The following PBLD variants were observed in gnomAD, a reference collection of about 807,000 sequenced individuals.
The protein encoded by PBLD is phenazine biosynthesis like protein domain containing, also known as phenazine biosynthesis-like domain-containing protein.
In PBLD, 26 loss-of-function variants were observed where a neutral mutation model predicts 31.3. The observed-to-expected ratio is 0.83, with a 90% confidence interval of 0.61 to 1.15. PBLD has a LOEUF of 1.15. PBLD is among the 50% of genes most tolerant of loss of function. PBLD has a pLI of 0.00. For synonymous variants in PBLD, 114 were observed against 129.0 expected (o/e 0.88, Z 0.79); for missense variants, 307 against 351.7 (o/e 0.87, Z 1.02).
In PBLD at chr10:68,292,247, A is replaced by C. The variant is rs1316380009; in HGVS notation, c.284-9T>G. The C allele has an allele frequency of 3.7e-6, 6 of 1,602,464 alleles. No individual in the cohort carries two copies. The highest frequency in any genetic ancestry group is 5.1e-6 in the Non-Finnish European group (6 of 1,171,366). ...CGTGCTATTCATGTTTTCTGGCCAAAATAGGAATCAAGAAATAGGAAATAA... is the reference window on the plus strand; with the variant it reads ...CGTGCTATTCATGTTTTCTGGCCAACATAGGAATCAAGAAATAGGAAATAA... On this transcript the variant is annotated splice_polypyrimidine_tract_variant and intron_variant, in intron 4 of 9. Transcript: ENST00000358769.
intron 4 of PBLD, among the ~76,000 whole-genome samples, chr10:68,295,769 T>A (rs1196004938): frequency 6.6e-6 from 1 of 151,904 alleles, no homozygotes; most frequent in Non-Finnish European, 1.5e-5. Context: ...CTGGCCAACA[T>A]GGTAAAACCC....
intron 1 of PBLD, among the ~76,000 whole-genome samples, chr10:68,315,727 C>G (rs1015958175): frequency 2.0e-5 from 3 of 152,036 alleles, no homozygotes; most frequent in Non-Finnish European, 4.4e-5. Flanking sequence ...TGACTGAGAC[C>G]TAGGGGTTTT....
chr10:68,311,528 G>C (rs2134496126), intron 1 of PBLD, among the ~76,000 whole-genome samples: 1 of 152,196 alleles, frequency 6.6e-6, no homozygotes, highest in South Asian at 2.1e-4. Flanking sequence ...GGGGCTTGCA[G>C]TGAGCGGAGA....
At chr10:68,292,367 G>A (rs954005937) in intron 4 of PBLD, 129 bp from the exon 5 acceptor site, 11 of 731,188 alleles carry the variant, frequency 1.5e-5, no homozygotes, top group Non-Finnish European at 2.5e-5. Flanking sequence ...AGCGAGGTTT[G>A]GGTTGCTGAG....
At chr10:68,306,738 G>A (rs746175378) in intron 2 of PBLD, 23 bp downstream of exon 2, 4 of 1,595,416 alleles carry the variant, frequency 2.5e-6, no homozygotes, top group East Asian at 2.2e-5. Flanking sequence ...TTCAGGTACT[G>A]TAATTCAAAA....
intron 1 of PBLD, among the ~76,000 whole-genome samples, chr10:68,311,454 C>T (rs12220708): frequency 0.28 from 42,895 of 151,882 alleles, 6,999 homozygotes; most frequent in Middle Eastern, 0.41. Flanking sequence ...GGTGTGGTGG[C>T]GGGCGCCTGT....
intron 3 of PBLD, 125 bp downstream of exon 3, chr10:68,296,761 C>T (rs538408060): frequency 1.2e-5 from 10 of 808,728 alleles, no homozygotes; most frequent in Middle Eastern, 2.8e-4. Flanking sequence ...GCCAGCACTT[C>T]GGGAGGCTGA....
intron 1 of PBLD, among the ~76,000 whole-genome samples, chr10:68,316,512 T>TATC (rs2044738017): frequency 6.6e-6 from 1 of 152,142 alleles, no homozygotes; most frequent in African/African-American, 2.4e-5. Flanking sequence ...TCATCAAGTA[T>TATC]ACCACTATAT....
chr10:68,316,076 G>A (rs938186556), intron 1 of PBLD, among the ~76,000 whole-genome samples: 1 of 152,048 alleles, frequency 6.6e-6, no homozygotes, highest in Admixed American at 6.6e-5. Context: ...CAAAAAAGAG[G>A]TGTATATAGA....
At chr10:68,309,221 C>T (rs964326904) in intron 1 of PBLD, among the ~76,000 whole-genome samples, 2 of 148,914 alleles carry the variant, frequency 1.3e-5, no homozygotes, top group Non-Finnish European at 3.0e-5. Context: ...CCCTGGCCAA[C>T]GTGGTGAAAC....
At chr10:68,319,049 GAGAGAGAAAGAA>G (rs1043018327) in intron 1 of PBLD, among the ~76,000 whole-genome samples, 9 of 77,842 alleles carry the variant, frequency 1.2e-4, no homozygotes, top group Admixed American at 6.0e-4. Context: ...AAGAAAGAAA[GAGAGAGAAAGAA>G]AGAAAGAAAG....
At chr10:68,322,525 A>G (rs911839092) in intron 1 of PBLD, among the ~76,000 whole-genome samples, 9 of 151,082 alleles carry the variant, frequency 6.0e-5, no homozygotes, top group Non-Finnish European at 1.3e-4. Flanking sequence ...AAAAACAGGC[A>G]TGGTGGCACA....
intron 1 of PBLD, among the ~76,000 whole-genome samples, chr10:68,312,661 G>GT (rs1162691339): frequency 7.7e-6 from 1 of 130,050 alleles, no homozygotes; most frequent in African/African-American, 2.9e-5. Context: ...CCAGACTGGA[G>GT]TGCAGTGGTG....
chr10:68,309,012 G>A (rs1249976761), intron 1 of PBLD, among the ~76,000 whole-genome samples: 1 of 150,160 alleles, frequency 6.7e-6, no homozygotes, highest in African/African-American at 2.5e-5. Flanking sequence ...GATGTGCCTG[G>A]GGAGAGTGAT....
At chr10:68,297,187 G>T (rs2044441431) in intron 2 of PBLD, 4 of 575,618 alleles carry the variant, frequency 6.9e-6, no homozygotes, top group South Asian at 6.1e-5. Flanking sequence ...GTGAAGAAGG[G>T]TTATAAATGT....
chr10:68,284,422 G>A lies in PBLD; in HGVS notation c.755-133C>T, dbSNP rs553447529. On this transcript the variant is annotated intron_variant, in intron 9 of 9. Coordinates refer to ENST00000358769, the MANE Select transcript of PBLD (RefSeq NM_022129.4). ...AGAATAAATTCCTTCGTCTGTTTAT[G>A]GTACTGCCCACTCCCATCCCCATTC... 143 of 724,510 alleles carry A rather than the reference G, an allele frequency of 2.0e-4. 2 individuals carry two copies. In the South Asian group the frequency reaches 2.5e-3, roughly 13 times the overall value. 44.9% of individuals were successfully genotyped at this position (724,510 alleles called of 1,614,324 possible).
rs763237198 is a variant in PBLD, at chr10:68,308,571, C to G, written c.-59-1668G>C. Among the ~76,000 whole-genome samples, 49 of 140,626 alleles carry G rather than the reference C, an allele frequency of 3.5e-4. 4 individuals are homozygous for G. The highest frequency in any genetic ancestry group is 6.8e-4 in the Non-Finnish European group (44 of 65,098). 92.3% of individuals were successfully genotyped at this position (140,626 alleles called of 152,430 possible). A position where few individuals can be genotyped will look rare whatever the true frequency, so the allele number is the denominator to read the frequency against. ...TTCTTTCTTTCTTTCTTTTTGGAGACAGAGTCTTACTCTGTCACCCAGGCT... is the reference window on the plus strand; with the variant it reads ...TTCTTTCTTTCTTTCTTTTTGGAGAGAGAGTCTTACTCTGTCACCCAGGCT... On this transcript the variant is annotated intron_variant, in intron 1 of 9. Transcript: ENST00000358769.
chr10:68,330,505 G>GT (rs1217885177), intron 1 of PBLD, among the ~76,000 whole-genome samples: 1 of 152,074 alleles, frequency 6.6e-6, no homozygotes, highest in African/African-American at 2.4e-5. Context: ...GACACCCCAC[G>GT]TATGTTCCTA....
chr10:68,317,615 G>A (rs928507605), intron 1 of PBLD, among the ~76,000 whole-genome samples: 6 of 151,904 alleles, frequency 3.9e-5, no homozygotes, highest in South Asian at 2.1e-4. Context: ...GGGCAACATG[G>A]TGAAACCCTG....
Sources: allele counts gnomAD v4.1 joint callset (sites outside exome capture counted in the v4.1 genomes callset), GRCh38; gene constraint gnomAD v4.1.1; transcripts MANE v1.5; gene names NCBI Gene and HGNC (gene_info 2026-07-23, HGNC 2026-07-21).